MAGI2: variants seen among roughly 807,000 people sequenced by gnomAD.
MAGI2 encodes the protein membrane associated guanylate kinase, WW and PDZ domain containing 2.
Under a neutral mutation model 133.3 loss-of-function variants are expected in MAGI2, and 35 were observed. The ratio of observed to expected loss-of-function variants is 0.26; its 90% CI spans 0.20 to 0.35. The LOEUF is 0.35. Ranked by LOEUF, MAGI2 falls within the 10% of genes least tolerant of loss-of-function variation. MAGI2 has a pLI of 1.00. For synonymous variants in MAGI2, 729 were observed against 710.6 expected (o/e 1.03, Z -0.41); for missense variants, 1,636 against 1,863.4 (o/e 0.88, Z 2.25).
chr7:78,085,337 T>C lies in MAGI2; in HGVS notation c.3568-6252A>G, dbSNP rs1461329783. Among the ~76,000 whole-genome samples the C allele has an allele frequency of 2.0e-5, 3 of 151,960 alleles. No individual in the cohort carries two copies. In the South Asian group the frequency reaches 6.2e-4, roughly 32 times the overall value. ...TGAGTCCAGGAATTCAAGACTAGCCTGAAACACATGGCAAAACCCGCATCT... is the reference window on the plus strand; with the variant it reads ...TGAGTCCAGGAATTCAAGACTAGCCCGAAACACATGGCAAAACCCGCATCT... On this transcript the variant is annotated intron_variant, in intron 20 of 21. Transcript: ENST00000354212.
At chr7:78,431,861 G>T (rs1427700987) in intron 6 of MAGI2, among the ~76,000 whole-genome samples, 1 of 151,862 alleles carries the variant, frequency 6.6e-6, no homozygotes, top group Non-Finnish European at 1.5e-5. Flanking sequence ...AGTAAAAGTT[G>T]AAATCCATAA....
intron 1 of MAGI2, among the ~76,000 whole-genome samples, chr7:79,386,927 C>T (rs1844222959): frequency 6.6e-6 from 1 of 151,986 alleles, no homozygotes; most frequent in Non-Finnish European, 1.5e-5. Flanking sequence ...TAAGCCCTCA[C>T]CAGACACTGA....
chr7:78,108,145 G>C (rs1818887816), intron 20 of MAGI2, among the ~76,000 whole-genome samples: 2 of 151,814 alleles, frequency 1.3e-5, no homozygotes, highest in Non-Finnish European at 2.9e-5. Flanking sequence ...TGTTTTTGCT[G>C]TATCTCATAG....
rs181555137 is a variant in MAGI2, at chr7:78,178,384, T to C, written c.2312-282A>G. On this transcript the variant is annotated intron_variant, in intron 13 of 21. Coordinates refer to ENST00000354212, the MANE Select transcript of MAGI2 (RefSeq NM_012301.4). ...TTTCTGAGTAAAAAAATTGATGCCTTTATAATTCTTGATTTTCCTGAGAGC... is the reference window on the plus strand; with the variant it reads ...TTTCTGAGTAAAAAAATTGATGCCTCTATAATTCTTGATTTTCCTGAGAGC... Among the ~76,000 whole-genome samples, 583 of 152,264 alleles carry C rather than the reference T, an allele frequency of 3.8e-3. 3 individuals carry two copies. The highest frequency in any genetic ancestry group is 5.6e-3 in the Non-Finnish European group (381 of 68,016).
intron 21 of MAGI2, among the ~76,000 whole-genome samples, chr7:78,032,863 G>A (rs1440935850): frequency 1.3e-5 from 2 of 152,270 alleles, no homozygotes; most frequent in South Asian, 2.1e-4. Flanking sequence ...AGATCCTGAT[G>A]AGAGAGGGCT....
At chr7:78,508,991 C>T (rs1795340335) in intron 4 of MAGI2, among the ~76,000 whole-genome samples, 1 of 151,510 alleles carries the variant, frequency 6.6e-6, no homozygotes, top group East Asian at 1.9e-4. Flanking sequence ...AAGTGATTCT[C>T]CTGCCTCAGC....
At position 78,289,981 on chromosome 7, in the gene MAGI2, G is replaced by A. The variant is rs1410428506; in HGVS notation, c.1409-33400C>T. Among the ~76,000 whole-genome samples, 4 of 152,112 alleles carry A rather than the reference G, an allele frequency of 2.6e-5. No individual in the cohort carries two copies. The East Asian group carries it at 7.7e-4, about 29-fold the overall frequency. ...AAACAAACATGGAAAGGAACAACCG[G>A]TACCAGCCACTGCAAAAAGATGGAA... On this transcript the variant is annotated intron_variant, in intron 9 of 21. Transcript: ENST00000354212.
rs1196193501 is a variant in MAGI2, at chr7:79,214,407, C to CTATATATATA, written c.302-207211_302-207202dup. Among the ~76,000 whole-genome samples, 64 of 17,708 alleles carry CTATATATATA rather than the reference C, an allele frequency of 3.6e-3. 1 individual carries two copies. The highest frequency in any genetic ancestry group is 7.4e-3 in the South Asian group (2 of 272). The allele number at this position is 17,708 out of a possible 152,430, so 11.6% of individuals were successfully genotyped here. A position where few individuals can be genotyped will look rare whatever the true frequency, so the allele number is the denominator to read the frequency against. On this transcript the variant is annotated intron_variant, in intron 1 of 21. Coordinates refer to ENST00000354212, the MANE Select transcript of MAGI2 (RefSeq NM_012301.4). ...TCTCTCTCTCTCTCTCTCTCTCTCT[C>CTATATATATA]TATATATATATATATATATATATAT... is the stretch of plus-strand genomic sequence containing the variant.
At chr7:78,876,302 AC>A (rs1795414377) in intron 2 of MAGI2, among the ~76,000 whole-genome samples, 1 of 141,440 alleles carries the variant, frequency 7.1e-6, no homozygotes, top group African/African-American at 2.6e-5. Context: ...AGCCCGGGTG[AC>A]AGAGCAAGAC....
At chr7:78,686,153 GA>G (rs1816295598) in intron 2 of MAGI2, among the ~76,000 whole-genome samples, 1 of 151,446 alleles carries the variant, frequency 6.6e-6, no homozygotes, top group Admixed American at 6.6e-5. Context: ...GCCCATAGGG[GA>G]AAAAACAACA....
At chr7:78,293,850 C>T (rs776439271) in intron 9 of MAGI2, among the ~76,000 whole-genome samples, 2 of 152,164 alleles carry the variant, frequency 1.3e-5, no homozygotes, top group Non-Finnish European at 2.9e-5. Flanking sequence ...AAATCAAACA[C>T]TGCATGTTCT....
chr7:78,988,504 A>G (rs1805470060), intron 2 of MAGI2, among the ~76,000 whole-genome samples: 1 of 152,114 alleles, frequency 6.6e-6, no homozygotes, highest in African/African-American at 2.4e-5. Context: ...AAAGCAGAAA[A>G]TATCTGAAAA....
chr7:78,201,213 AT>A lies in MAGI2; in HGVS notation c.2048-21del. The A allele has an allele frequency of 7.2e-7, 1 of 1,388,520 alleles. No individual in the cohort carries two copies. Among genetic ancestry groups the A allele is most frequent in the Non-Finnish European group, 9.6e-7 (1 of 1,039,602 alleles). The allele number at this position is 1,388,520 out of a possible 1,614,324, so 86.0% of individuals were successfully genotyped here. A position where few individuals can be genotyped will look rare whatever the true frequency, so the allele number is the denominator to read the frequency against. On this transcript the variant is annotated intron_variant, in intron 10 of 21. Transcript: ENST00000354212. ...AGAAACCTGTAATAAAGAAAACAAT[AT>A]TTGAACTTTGAAAATATTACCGACT...
intron 1 of MAGI2, among the ~76,000 whole-genome samples, chr7:79,334,461 T>C (rs867988209): frequency 7.9e-5 from 12 of 152,300 alleles, no homozygotes; most frequent in African/African-American, 2.9e-4. Flanking sequence ...CCCCTGACTT[T>C]GATCTCTGCA....
intron 2 of MAGI2, among the ~76,000 whole-genome samples, chr7:78,856,139 A>AT (rs1793616769): frequency 6.6e-6 from 1 of 152,104 alleles, no homozygotes; most frequent in Admixed American, 6.6e-5. Flanking sequence ...TTCTTTGTAG[A>AT]TTCTGGATAT....
chr7:78,343,694 TA>T, intron 9 of MAGI2, 83 bp downstream of exon 9: 1 of 1,108,190 alleles, frequency 9.0e-7, no homozygotes, highest in Non-Finnish European at 1.2e-6. Flanking sequence ...GTCTTTTGAA[TA>T]AAAACACAAA....
intron 2 of MAGI2, among the ~76,000 whole-genome samples, chr7:78,694,632 C>T (rs1817312590): frequency 6.6e-6 from 1 of 152,114 alleles, no homozygotes; most frequent in Non-Finnish European, 1.5e-5. Context: ...AAGACCCCTT[C>T]CATAATAATG....
intron 2 of MAGI2, among the ~76,000 whole-genome samples, chr7:78,930,179 T>C (rs1800004990): frequency 6.6e-6 from 1 of 152,078 alleles, no homozygotes; most frequent in African/African-American, 2.4e-5. Context: ...TCTCCAAAAA[T>C]GCAAGAAAGC....
chr7:78,395,551 A>C (rs2151325955), intron 6 of MAGI2, among the ~76,000 whole-genome samples: 1 of 152,296 alleles, frequency 6.6e-6, no homozygotes, highest in South Asian at 2.1e-4. Flanking sequence ...GCATTTTTGC[A>C]GCTTAATGTA....
Sources: allele counts gnomAD v4.1 joint callset (sites outside exome capture counted in the v4.1 genomes callset), GRCh38; gene constraint gnomAD v4.1.1; transcripts MANE v1.5; gene names NCBI Gene and HGNC (gene_info 2026-07-23, HGNC 2026-07-21).